Variants in PLD2 observed in about 807,000 individuals in gnomAD.
PLD2 encodes the protein choline phosphatase 2.
In PLD2, 101 loss-of-function variants were observed where a neutral mutation model predicts 119.8. That is an observed-to-expected ratio of 0.84 (90% CI 0.72 to 0.99). PLD2 has a LOEUF of 0.99. PLD2 is among the 50% of genes least tolerant of loss of function. PLD2 has a pLI of 0.00. For synonymous variants in PLD2, 494 were observed against 482.8 expected, an observed-to-expected ratio of 1.02 and a Z score of -0.30; for missense variants, 1,164 against 1,226.8, an observed-to-expected ratio of 0.95 and a Z score of 0.76.
At position 4,818,542 on chromosome 17, in the gene PLD2, C is replaced by G; in HGVS notation, c.2058C>G (p.Gly686=). ...RVYVLLPLLP[G]FEGDISTGGG... ...ACGTGCTTTTGCCCTTACTCCCTGG[C>G]TTCGAGGGTGACATCTCCACGGGCG... is the stretch of plus-strand genomic sequence containing the variant. The change falls in exon 20 of 25, where the codon GGC becomes GGG. Residue 686 remains glycine, a synonymous_variant. Transcript: ENST00000263088. 6.2e-7 allele frequency: 1 copy of G among 1,614,028 alleles called. No individual in the cohort carries two copies. Among genetic ancestry groups the G allele is most frequent in the South Asian group, 1.1e-5 (1 of 91,074 alleles).
chr17:4,817,058 G>C lies in PLD2; in HGVS notation c.1701+3G>C. 6.2e-7 allele frequency: 1 copy of C among 1,612,968 alleles called. No individual in the cohort carries two copies. Among genetic ancestry groups the C allele is most frequent in the Non-Finnish European group, 8.5e-7 (1 of 1,178,986 alleles). ...TCCAGCGCTGGAACTTCACCAAGGT[G>C]TTCATTCCCTCCGATAGGGGCTGGA... is the stretch of plus-strand genomic sequence containing the variant. On this transcript the variant is annotated splice_donor_region_variant and intron_variant, in intron 16 of 24. Transcript: ENST00000263088.
In PLD2 at chr17:4,814,635, T is replaced by G. The variant is rs778317263; in HGVS notation, c.1097T>G (p.Leu366Trp). ...QEEIFITDWW[L>W]SPEVYLKRPA... ...TAATCCACTGCCCTGAATCCCAGGT[T>G]GAGTCCTGAGGTTTACCTGAAGCGT... Residue 366 changes from leucine (L) to tryptophan (W), a missense_variant and splice_region_variant, in exon 12 of 25, where the codon TTG (leucine) becomes TGG (tryptophan). Coordinates refer to ENST00000263088, the MANE Select transcript of PLD2 (RefSeq NM_002663.5). The G allele has an allele frequency of 5.1e-5, 82 of 1,613,930 alleles. No homozygotes were observed. In the South Asian group the frequency reaches 8.3e-4, roughly 16 times the overall value.
At chr17:4,820,102 G>C (rs988714557) in intron 23 of PLD2, among the ~76,000 whole-genome samples, 1 of 150,960 alleles carries the variant, frequency 6.6e-6, no homozygotes, top group Non-Finnish European at 1.5e-5. Context: ...GCGCCACCAC[G>C]CCCAGCTAAT....
At chr17:4,817,391 G>A (rs1171908169) in intron 17 of PLD2, 132 bp downstream of exon 17, 7 of 712,556 alleles carry the variant, frequency 9.8e-6, no homozygotes, top group East Asian at 5.2e-5. Context: ...GGCCAGGCAC[G>A]GTGGCTCACG....
Position 4,809,554 on chromosome 17 carries a change from G to A in PLD2, c.614+3G>A. The A allele has an allele frequency of 6.2e-7, 1 of 1,606,454 alleles. No individual in the cohort carries two copies. Among genetic ancestry groups the A allele is most frequent in the Non-Finnish European group, 8.5e-7 (1 of 1,174,718 alleles). On this transcript the variant is annotated splice_donor_region_variant and intron_variant, in intron 7 of 24. Coordinates refer to ENST00000263088, the MANE Select transcript of PLD2 (RefSeq NM_002663.5). ...CCGGACTTGGGCCGCAAAGGACTGT[G>A]AGTGTCTGGCCCCCTTCACCCAGGC... is the stretch of plus-strand genomic sequence containing the variant.
At chr17:4,811,223 C>T (rs1490497673) in intron 10 of PLD2, among the ~76,000 whole-genome samples, 4 of 151,938 alleles carry the variant, frequency 2.6e-5, no homozygotes, top group Non-Finnish European at 2.9e-5. Context: ...CTCTACAATA[C>T]TGACCCTCTC....
At chr17:4,814,887 A>G (rs947362892) in intron 12 of PLD2, among the ~76,000 whole-genome samples, 176 bp downstream of exon 12, 5 of 152,036 alleles carry the variant, frequency 3.3e-5, no homozygotes, top group African/African-American at 1.2e-4. Flanking sequence ...CCCTAAGGAG[A>G]ACTGACAACT....
intron 21 of PLD2, 94 bp from the exon 22 acceptor site, chr17:4,818,990 C>CT (rs1332673073): frequency 1.3e-6 from 2 of 1,556,774 alleles, no homozygotes; most frequent in African/African-American, 2.7e-5. Flanking sequence ...AGACCAGACT[C>CT]TATGTAGGAA....
At chr17:4,818,952 T>A (rs1907338534) in intron 21 of PLD2, 129 bp downstream of exon 21, 2 of 1,492,266 alleles carry the variant, frequency 1.3e-6, no homozygotes, top group African/African-American at 1.4e-5. Context: ...AGACCATAGC[T>A]GGCCTTTCAC....
intron 10 of PLD2, chr17:4,814,038 T>C (rs1906720714): frequency 4.8e-6 from 1 of 206,370 alleles, no homozygotes; most frequent in Non-Finnish European, 9.7e-6. Flanking sequence ...TTAATTTCGT[T>C]GTTTACTAGT....
In PLD2 at chr17:4,818,501, T is replaced by C. The variant is rs1228011126; in HGVS notation, c.2017T>C (p.Trp673Arg). Residue 673 changes from tryptophan (W) to arginine (R), a missense_variant, in exon 20 of 25, where the codon TGG becomes CGG. Coordinates refer to ENST00000263088, the MANE Select transcript of PLD2 (RefSeq NM_002663.5). ...DRILKAHKQG[W>R]CYRVYVLLPL... ...ACTCCACCCCCTCCCCAGACAGGGG[T>C]GGTGTTACCGAGTCTACGTGCTTTT... The C allele has an allele frequency of 6.2e-7, 1 of 1,612,738 alleles. No homozygotes were observed. Among genetic ancestry groups the C allele is most frequent in the Non-Finnish European group, 8.5e-7 (1 of 1,178,900 alleles).
rs774340597 is a variant in PLD2 at position 4,819,227 on chromosome 17, C to T, written c.2308+9C>T. ...CCGGACAGTCATCATTGGTCAGTGC[C>T]GGATCTAGTCCTCTGGCAGGGAGAG... On this transcript the variant is annotated intron_variant, in intron 22 of 24. Transcript: ENST00000263088. This position sits in a 1 kb window ranked among gnomAD's most constrained non-coding sequence, Gnocchi z 4.2. 33 of 1,613,606 alleles carry T rather than the reference C, an allele frequency of 2.0e-5. No individual in the cohort carries two copies. The highest frequency in any genetic ancestry group is 1.6e-4 in the Middle Eastern group (1 of 6,084).
intron 17 of PLD2, chr17:4,817,468 C>A: frequency 1.8e-6 from 1 of 565,472 alleles, no homozygotes; most frequent in Non-Finnish European, 3.2e-6. Flanking sequence ...CGAGACCATC[C>A]TGGCTAACAT....
At position 4,814,368 on chromosome 17, in the gene PLD2, G is replaced by T. The variant is rs766551960; in HGVS notation, c.1011-50G>T. ...TGTCCTCCGGTCTTCACTCTCCAGA[G>T]CTTTCTGGCTTCTGACTCCCCTGAC... On this transcript the variant is annotated intron_variant, in intron 10 of 24. Coordinates refer to ENST00000263088, the MANE Select transcript of PLD2 (RefSeq NM_002663.5). 1.9e-6 allele frequency: 3 copies of T among 1,569,552 alleles called. No individual in the cohort carries two copies. The South Asian group carries it at 3.5e-5, about 18-fold the overall frequency.
chr17:4,812,377 C>T (rs1906568804), intron 10 of PLD2, among the ~76,000 whole-genome samples: 1 of 150,906 alleles, frequency 6.6e-6, no homozygotes, highest in Non-Finnish European at 1.5e-5. Flanking sequence ...TCACTGCAAC[C>T]TCTGACTCCC....
At chr17:4,821,570 T>C (rs1462590598) in intron 23 of PLD2, 1 of 359,002 alleles carries the variant, frequency 2.8e-6, no homozygotes. Context: ...ATTTTTGTAT[T>C]TTTTTGTAGA....
Position 4,816,638 on chromosome 17 carries a change from G to C in PLD2, c.1474G>C (p.Asp492His). The C allele has an allele frequency of 1.2e-6, 2 of 1,613,880 alleles. No individual in the cohort carries two copies. Among genetic ancestry groups the C allele is most frequent in the East Asian group, 4.5e-5 (2 of 44,876 alleles). Reference protein sequence around the residue: ...AASQPPTPRPDSPATPDLSHN... With the variant: ...AASQPPTPRPHSPATPDLSHN... ...CCTACAGCCTCCCACCCCGCGCCCAGACTCACCAGCCACCCCAGACCTCTC... is the reference window on the plus strand; with the variant it reads ...CCTACAGCCTCCCACCCCGCGCCCACACTCACCAGCCACCCCAGACCTCTC... Residue 492 changes from aspartate to histidine, a missense_variant, in exon 15 of 25, where the codon GAC becomes CAC. Transcript: ENST00000263088.
chr17:4,808,528 T>G lies in PLD2; in HGVS notation c.383+112T>G. The G allele has an allele frequency of 9.9e-7, 1 of 1,015,006 alleles. No homozygotes were observed. The highest frequency in any genetic ancestry group is 1.5e-6 in the Non-Finnish European group (1 of 673,012). The allele number at this position is 1,015,006 out of a possible 1,614,324, so 62.9% of individuals were successfully genotyped here. A position where few individuals can be genotyped will look rare whatever the true frequency, so the allele number is the denominator to read the frequency against. ...CTCCCTGCAACTCTGGCCACTGTGC[T>G]GCCTCCCCTGACCCCAGTTACCAGG... On this transcript the variant is annotated intron_variant, in intron 4 of 24. Transcript: ENST00000263088. The surrounding 1 kb of genome is among the most constrained non-coding windows in gnomAD (Gnocchi z 4.1).
In PLD2 at chr17:4,814,451, G is replaced by A. The variant is rs760582595; in HGVS notation, c.1044G>A (p.Val348=). 2.5e-6 allele frequency: 4 copies of A among 1,612,882 alleles called. No homozygotes were observed. The highest frequency in any genetic ancestry group is 1.7e-6 in the Non-Finnish European group (2 of 1,179,714). ...ATGGGGCAGGTTACTTTGCTGCTGT[G>A]GCAGATGCCATCCTTCGAGCTCAAG... ...FVNGAGYFAA[V]ADAILRAQEE... The change falls in exon 11 of 25, where the codon GTG becomes GTA. Residue 348 remains valine, a synonymous_variant. Transcript: ENST00000263088.
Sources: gnomAD v4.1 joint callset for allele counts (sites outside exome capture counted in the v4.1 genomes callset) on GRCh38, gnomAD v4.1.1 for gene constraint, Gnocchi (gnomAD v3.1) non-coding constraint, MANE v1.5 for transcripts, NCBI Gene and HGNC (gene_info 2026-07-23, HGNC 2026-07-21) for gene names.